Variants in AIG1 observed in about 807,000 individuals in gnomAD.
AIG1 encodes androgen-induced gene 1 protein.
AIG1 carries 23 observed loss-of-function variants against 31.4 expected under a neutral mutation model. That is an observed-to-expected ratio of 0.73 (90% CI 0.53 to 1.04). The LOEUF (loss-of-function observed/expected upper bound fraction) is 1.04, where lower values mean the gene tolerates loss of function less well. Ranked by LOEUF, AIG1 falls within the 50% of genes least tolerant of loss-of-function variation. The probability of loss-of-function intolerance (pLI) is 0.00; values close to 1 mark genes in which losing one functional copy is unlikely to be tolerated. For synonymous variants in AIG1, 100 were observed against 110.5 expected, an observed-to-expected ratio of 0.90 and a Z score of 0.60; for missense variants, 274 against 295.0, an observed-to-expected ratio of 0.93 and a Z score of 0.52.
At chr6:143,138,282 ATTAC>A (rs1214085411) in intron 2 of AIG1, among the ~76,000 whole-genome samples, 1 of 152,194 alleles carries the variant, frequency 6.6e-6, no homozygotes, top group Non-Finnish European at 1.5e-5. Context: ...TGCTTTCCAT[ATTAC>A]TTAATATTTC....
At chr6:143,290,471 G>T (rs914747430) in intron 4 of AIG1, among the ~76,000 whole-genome samples, 1 of 152,208 alleles carries the variant, frequency 6.6e-6, no homozygotes, top group Non-Finnish European at 1.5e-5. Flanking sequence ...GGAGTTGCGC[G>T]CATGCTCACT....
chr6:143,322,456 G>T (rs905498659), intron 4 of AIG1, among the ~76,000 whole-genome samples: 5 of 152,130 alleles, frequency 3.3e-5, no homozygotes, highest in African/African-American at 1.2e-4. Context: ...CCTTCTGAAA[G>T]AACACATGTT....
chr6:143,329,529 A>G lies in AIG1; in HGVS notation c.516-3753A>G, dbSNP rs1369139387. 1.3e-5 allele frequency among the ~76,000 whole-genome samples: 2 copies of G among 152,230 alleles called. No homozygotes were observed. Among genetic ancestry groups the G allele is most frequent in the Non-Finnish European group, 2.9e-5 (2 of 68,038 alleles). On this transcript the variant is annotated intron_variant, in intron 4 of 5. Coordinates refer to ENST00000357847, the MANE Select transcript of AIG1 (RefSeq NM_016108.4). The surrounding 1 kb of genome is among the most constrained non-coding windows in gnomAD (Gnocchi z 4.9). ...CCCTATAAGCTCTGATTCATACAATAGTACGATGAGAATGCCATGCTATAT... is the reference window on the plus strand; with the variant it reads ...CCCTATAAGCTCTGATTCATACAATGGTACGATGAGAATGCCATGCTATAT...
Position 143,327,834 on chromosome 6 carries a change from G to T in AIG1, c.516-5448G>T, listed in dbSNP as rs1776738655. On this transcript the variant is annotated intron_variant, in intron 4 of 5. Transcript: ENST00000357847. The surrounding 1 kb of genome is among the most constrained non-coding windows in gnomAD (Gnocchi z 5.3). ...AGAAATAAGAAATACTGGAGGTTTGGGGAGAAAGAACATGATTTTGTCTTT... is the reference window on the plus strand; with the variant it reads ...AGAAATAAGAAATACTGGAGGTTTGTGGAGAAAGAACATGATTTTGTCTTT... Among the ~76,000 whole-genome samples, 1 of 152,150 alleles carries T rather than the reference G, an allele frequency of 6.6e-6. No homozygotes were observed. The highest frequency in any genetic ancestry group is 6.6e-5 in the Admixed American group (1 of 15,264).
At position 143,333,532 on chromosome 6, in the gene AIG1, C is replaced by T. The variant is rs796385751; in HGVS notation, c.679+87C>T. 1.4e-6 allele frequency: 2 copies of T among 1,396,436 alleles called. No individual in the cohort carries two copies. Among genetic ancestry groups the T allele is most frequent in the South Asian group, 1.4e-5 (1 of 73,998 alleles). The allele number at this position is 1,396,436 out of a possible 1,614,324, so 86.5% of individuals were successfully genotyped here. The stretch of plus-strand genomic sequence containing the variant: ...GACTGAGGGAAAATTCCACTGTAGC[C>T]TCTTCTTTTAGCCTTCACACAGGAT... On this transcript the variant is annotated intron_variant, in intron 5 of 5. Transcript: ENST00000357847. The surrounding 1 kb of genome is among the most constrained non-coding windows in gnomAD (Gnocchi z 4.6).
chr6:143,218,224 C>T lies in AIG1; in HGVS notation c.399+53041C>T, dbSNP rs142765705. On this transcript the variant is annotated intron_variant, in intron 3 of 5. Coordinates refer to ENST00000357847, the MANE Select transcript of AIG1 (RefSeq NM_016108.4). ...GATATTTGGGGAACATCTTTACTCT[C>T]GTTTGAAGAGAATCCTGTTTAACTT... Among the ~76,000 whole-genome samples, 762 of 152,276 alleles carry T rather than the reference C, an allele frequency of 5.0e-3. 6 individuals are homozygous for T. The highest frequency in any genetic ancestry group is 7.5e-3 in the Non-Finnish European group (513 of 68,020).
At chr6:143,178,045 G>A (rs1445812974) in intron 3 of AIG1, among the ~76,000 whole-genome samples, 2 of 152,164 alleles carry the variant, frequency 1.3e-5, no homozygotes, top group Non-Finnish European at 2.9e-5. Flanking sequence ...GCAAATGTTG[G>A]GGTTGCTGGT....
chr6:143,121,023 C>T (rs1782194091), intron 1 of AIG1, among the ~76,000 whole-genome samples: 1 of 152,254 alleles, frequency 6.6e-6, no homozygotes, highest in South Asian at 2.1e-4. Flanking sequence ...TAGCCCAACC[C>T]ATCCTTTTAT....
At chr6:143,313,863 A>T (rs932802904) in intron 4 of AIG1, among the ~76,000 whole-genome samples, 1 of 152,072 alleles carries the variant, frequency 6.6e-6, no homozygotes, top group Non-Finnish European at 1.5e-5. Context: ...AAAAATTTAA[A>T]TTAAAAATTA....
intron 4 of AIG1, among the ~76,000 whole-genome samples, chr6:143,303,033 G>A (rs1439950832): frequency 2.0e-5 from 3 of 152,186 alleles, no homozygotes; most frequent in Non-Finnish European, 4.4e-5. Context: ...CTTTTGAGAA[G>A]TGTCTGTTCA....
chr6:143,185,017 G>A (rs1789110368), intron 3 of AIG1, among the ~76,000 whole-genome samples: 1 of 152,038 alleles, frequency 6.6e-6, no homozygotes, highest in African/African-American at 2.4e-5. Flanking sequence ...CCGACATGGT[G>A]AAACCCGGTC....
At chr6:143,170,869 A>G (rs1193625236) in intron 3 of AIG1, among the ~76,000 whole-genome samples, 1 of 138,124 alleles carries the variant, frequency 7.2e-6, no homozygotes. Flanking sequence ...CCAAAAACCT[A>G]TTGAAATAAA....
intron 3 of AIG1, among the ~76,000 whole-genome samples, chr6:143,176,002 C>T (rs1788114993): frequency 1.3e-5 from 2 of 152,152 alleles, no homozygotes; most frequent in African/African-American, 2.4e-5. Context: ...AGGGTGCTCC[C>T]GTGATGTGGT....
chr6:143,105,379 C>T (rs2128486685), intron 1 of AIG1, among the ~76,000 whole-genome samples: 1 of 152,256 alleles, frequency 6.6e-6, no homozygotes. Context: ...AGGGCACAGG[C>T]CTTCACACAC....
intron 1 of AIG1, among the ~76,000 whole-genome samples, chr6:143,134,614 T>G (rs147645900): frequency 2.9e-4 from 44 of 152,104 alleles, no homozygotes; most frequent in African/African-American, 1.0e-3. Flanking sequence ...ATGCCCTTTA[T>G]AATTATATCA....
intron 4 of AIG1, among the ~76,000 whole-genome samples, chr6:143,306,184 A>G (rs1470650740): frequency 1.3e-5 from 2 of 151,730 alleles, no homozygotes; most frequent in South Asian, 2.1e-4. Context: ...TATCCAATTT[A>G]CCAGTCTGTG....
chr6:143,234,780 A>G (rs574449164), intron 3 of AIG1, among the ~76,000 whole-genome samples: 2 of 152,280 alleles, frequency 1.3e-5, no homozygotes, highest in African/African-American at 4.8e-5. Context: ...CTAAACCAAC[A>G]CCATTGATAA....
chr6:143,248,094 T>C (rs1293238864), intron 3 of AIG1, among the ~76,000 whole-genome samples: 3 of 152,214 alleles, frequency 2.0e-5, no homozygotes, highest in African/African-American at 7.2e-5. Flanking sequence ...GAGTGTCTTA[T>C]GACTATTGAG....
chr6:143,304,133 A>G (rs952220008), intron 4 of AIG1, among the ~76,000 whole-genome samples: 6 of 151,868 alleles, frequency 4.0e-5, no homozygotes, highest in Non-Finnish European at 8.8e-5. Context: ...GGGCTGAGAC[A>G]ATGGGGTTTT....
Sources: allele counts gnomAD v4.1 joint callset (sites outside exome capture counted in the v4.1 genomes callset), GRCh38; gene constraint gnomAD v4.1.1; non-coding constraint Gnocchi (gnomAD v3.1); transcripts MANE v1.5; gene names NCBI Gene and HGNC (gene_info 2026-07-23, HGNC 2026-07-21).